CDYL: variants seen among roughly 807,000 people sequenced by gnomAD.
CDYL encodes chromodomain Y like.
In CDYL, 8 loss-of-function variants were observed where a neutral mutation model predicts 47.3. That is an observed-to-expected ratio of 0.17 (90% CI 0.10 to 0.31). The LOEUF (loss-of-function observed/expected upper bound fraction) is 0.31, where lower values mean the gene tolerates loss of function less well. CDYL is among the 10% of genes least tolerant of loss of function. CDYL has a pLI of 1.00. For synonymous variants in CDYL, 266 were observed against 265.0 expected (o/e 1.00, Z -0.04); for missense variants, 471 against 701.4 (o/e 0.67, Z 3.71).
At chr6:4,842,038 T>A (rs1027137161) in intron 1 of CDYL, among the ~76,000 whole-genome samples, 3 of 144,900 alleles carry the variant, frequency 2.1e-5, no homozygotes, top group Non-Finnish European at 3.0e-5. Context: ...AATATATAAT[T>A]TATATATATT....
intron 2 of CDYL, among the ~76,000 whole-genome samples, chr6:4,905,144 C>A (rs544414691): frequency 6.6e-6 from 1 of 152,172 alleles, no homozygotes. Flanking sequence ...TCACAGTGAC[C>A]GTGTGTCCGT....
At chr6:4,768,352 A>G (rs1290207008) in intron 3 of CDYL, among the ~76,000 whole-genome samples, 1 of 152,216 alleles carries the variant, frequency 6.6e-6, no homozygotes, top group African/African-American at 2.4e-5. Context: ...TGATTCTAGG[A>G]CTGGAGCAGA....
At chr6:4,912,442 G>A (rs900980506) in intron 2 of CDYL, among the ~76,000 whole-genome samples, 3 of 152,256 alleles carry the variant, frequency 2.0e-5, no homozygotes, top group African/African-American at 7.2e-5. Context: ...TTCATCAAAA[G>A]CAGGTAGCAA....
At chr6:4,807,958 C>T (rs1214325673) in intron 1 of CDYL, among the ~76,000 whole-genome samples, 1 of 151,930 alleles carries the variant, frequency 6.6e-6, no homozygotes, top group Non-Finnish European at 1.5e-5. Context: ...GTATTATAAT[C>T]CAGTATTCTT....
At chr6:4,724,447 CTA>C (rs1757450287) in intron 2 of CDYL, 1 of 152,502 alleles carries the variant, frequency 6.6e-6, no homozygotes, top group African/African-American at 2.4e-5. Context: ...TGCCAAATGT[CTA>C]TACCCTGAAG....
At chr6:4,842,874 T>G (rs1760542385) in intron 1 of CDYL, among the ~76,000 whole-genome samples, 1 of 152,204 alleles carries the variant, frequency 6.6e-6, no homozygotes, top group Non-Finnish European at 1.5e-5. Flanking sequence ...TCCTGTGAGA[T>G]TTATGCTTTA....
At chr6:4,945,562 C>T (rs769293933) in intron 5 of CDYL, among the ~76,000 whole-genome samples, 9 of 152,232 alleles carry the variant, frequency 5.9e-5, no homozygotes, top group Non-Finnish European at 1.2e-4. Flanking sequence ...CTCAGAGTTG[C>T]TGCACTTGTC....
intron 1 of CDYL, among the ~76,000 whole-genome samples, chr6:4,891,509 T>TA (rs1390894446): frequency 5.9e-5 from 9 of 152,364 alleles, no homozygotes; most frequent in African/African-American, 2.2e-4. Flanking sequence ...GTTCTCAGCA[T>TA]AAAAATTTAG....
At chr6:4,813,782 T>G (rs944236706) in intron 1 of CDYL, among the ~76,000 whole-genome samples, 1 of 151,904 alleles carries the variant, frequency 6.6e-6, no homozygotes, top group South Asian at 2.1e-4. Flanking sequence ...CGTTTTTCTG[T>G]TTTTTTTCAA....
chr6:4,888,683 A>G (rs1439702208), intron 1 of CDYL, among the ~76,000 whole-genome samples: 1 of 151,960 alleles, frequency 6.6e-6, no homozygotes, highest in African/African-American at 2.4e-5. Flanking sequence ...CTTTTTTGCC[A>G]GTGTCCTAAG....
At chr6:4,717,348 C>T (rs1408168573) in intron 2 of CDYL, among the ~76,000 whole-genome samples, 1 of 152,172 alleles carries the variant, frequency 6.6e-6, no homozygotes, top group Non-Finnish European at 1.5e-5. Context: ...AGATGTTCTG[C>T]TGCAGCTGGC....
intron 2 of CDYL, among the ~76,000 whole-genome samples, chr6:4,729,622 G>A (rs1054946140): frequency 3.3e-5 from 5 of 152,214 alleles, no homozygotes; most frequent in Admixed American, 6.5e-5. Context: ...TTTTGATTAG[G>A]ATTAAAAGGT....
intron 2 of CDYL, among the ~76,000 whole-genome samples, chr6:4,904,447 G>A (rs1757165727): frequency 1.3e-5 from 2 of 152,220 alleles, no homozygotes; most frequent in African/African-American, 2.4e-5. Context: ...TGTTACTGCA[G>A]GTTATTTTCT....
intron 1 of CDYL, among the ~76,000 whole-genome samples, chr6:4,875,913 G>A (rs1761608273): frequency 6.6e-6 from 1 of 152,114 alleles, no homozygotes; most frequent in Admixed American, 6.5e-5. Context: ...TATTCAGCAA[G>A]CATTTCATTA....
chr6:4,884,085 C>G (rs1238175722), intron 1 of CDYL, among the ~76,000 whole-genome samples: 1 of 152,176 alleles, frequency 6.6e-6, no homozygotes, highest in Non-Finnish European at 1.5e-5. Context: ...TAAAGTGATC[C>G]ATAAAAGCAT....
At chr6:4,708,109 G>C (rs1013235770) in intron 1 of CDYL, among the ~76,000 whole-genome samples, 1 of 151,444 alleles carries the variant, frequency 6.6e-6, no homozygotes, top group Non-Finnish European at 1.5e-5. Context: ...AGATGTTTTA[G>C]GTATAATCAA....
At chr6:4,794,365 C>T (rs1164551809) in intron 1 of CDYL, among the ~76,000 whole-genome samples, 1 of 152,058 alleles carries the variant, frequency 6.6e-6, no homozygotes, top group African/African-American at 2.4e-5. Flanking sequence ...GCGCGGAGGC[C>T]ACTTGGCAGC....
chr6:4,768,297 A>G (rs1434269898), intron 3 of CDYL, among the ~76,000 whole-genome samples: 2 of 152,238 alleles, frequency 1.3e-5, no homozygotes, highest in Non-Finnish European at 2.9e-5. Context: ...GCTTTCTAAT[A>G]TGATTTTTCA....
chr6:4,849,060 T>TC (rs1760746087), intron 1 of CDYL, among the ~76,000 whole-genome samples: 1 of 152,248 alleles, frequency 6.6e-6, no homozygotes, highest in African/African-American at 2.4e-5. Context: ...TTTTTCTTGA[T>TC]CAAATTTTAG....
Sources: gnomAD v4.1 joint callset for allele counts (sites outside exome capture counted in the v4.1 genomes callset) on GRCh38, gnomAD v4.1.1 for gene constraint, MANE v1.5 for transcripts, NCBI Gene and HGNC (gene_info 2026-07-23, HGNC 2026-07-21) for gene names.